PHF11: variants seen among roughly 807,000 people sequenced by gnomAD.
The protein encoded by PHF11 is PHD finger protein 11.
PHF11 carries 38 observed loss-of-function variants against 40.5 expected under a neutral mutation model. The ratio of observed to expected loss-of-function variants is 0.94; its 90% CI spans 0.72 to 1.23. PHF11 has a LOEUF of 1.23. PHF11 is among the 50% of genes most tolerant of loss of function. The probability of loss-of-function intolerance (pLI) is 0.00; values close to 1 mark genes in which losing one functional copy is unlikely to be tolerated. For synonymous variants in PHF11, 127 were observed against 138.2 expected (o/e 0.92, Z 0.57); for missense variants, 369 against 392.4 (o/e 0.94, Z 0.50).
intron 1 of PHF11, chr13:49,497,361 C>A: frequency 2.0e-6 from 1 of 500,500 alleles, no homozygotes; most frequent in East Asian, 6.9e-5. Flanking sequence ...TTCAGGTACT[C>A]CAAACCTGCT....
chr13:49,524,294 A>T, intron 8 of PHF11, 78 bp downstream of exon 8: 2 of 1,176,278 alleles, frequency 1.7e-6, no homozygotes, highest in Non-Finnish European at 2.4e-6. Context: ...ACCCAAGAAA[A>T]AAAAAAAGGC....
At chr13:49,520,060 T>C (rs1959180226) in intron 4 of PHF11, among the ~76,000 whole-genome samples, 1 of 152,178 alleles carries the variant, frequency 6.6e-6, no homozygotes, top group Admixed American at 6.5e-5. Flanking sequence ...TGTTTTGTTT[T>C]GTTTTAAGAC....
chr13:49,497,769 T>C (rs1403970171), intron 1 of PHF11, among the ~76,000 whole-genome samples: 1 of 152,194 alleles, frequency 6.6e-6, no homozygotes, highest in Non-Finnish European at 1.5e-5. Context: ...CTGATTTGAC[T>C]CCTGCCCATC....
intron 3 of PHF11, 36 bp downstream of exon 3, chr13:49,513,202 A>AACAG (rs1959101412): frequency 1.0e-6 from 1 of 986,354 alleles, no homozygotes; most frequent in Admixed American, 1.8e-5. Flanking sequence ...ATACTGGATG[A>AACAG]ACAGACCCTC....
intron 3 of PHF11, among the ~76,000 whole-genome samples, chr13:49,516,118 G>C (rs1445654506): frequency 2.0e-5 from 3 of 152,274 alleles, no homozygotes; most frequent in African/African-American, 7.2e-5. Flanking sequence ...CTCCTTAGAG[G>C]TGACCCATTT....
intron 2 of PHF11, among the ~76,000 whole-genome samples, chr13:49,508,390 T>C (rs1653935819): frequency 6.8e-6 from 1 of 147,596 alleles, no homozygotes; most frequent in East Asian, 1.9e-4. Flanking sequence ...TTATATATTA[T>C]AATATATGAA....
At chr13:49,512,131 G>T (rs908954724) in intron 2 of PHF11, among the ~76,000 whole-genome samples, 3 of 152,130 alleles carry the variant, frequency 2.0e-5, no homozygotes, top group Non-Finnish European at 2.9e-5. Context: ...TATGCCTAAG[G>T]GTTAATGATA....
At chr13:49,513,755 T>C (rs1959111552) in intron 3 of PHF11, among the ~76,000 whole-genome samples, 1 of 152,256 alleles carries the variant, frequency 6.6e-6, no homozygotes, top group African/African-American at 2.4e-5. Flanking sequence ...GGATACTTAC[T>C]TTTTCACTTG....
rs1226077456 is a variant in PHF11 at position 49,496,067 on chromosome 13, C to T, written c.66C>T (p.Pro22=). The T allele has an allele frequency of 5.4e-5, 73 of 1,355,188 alleles. No individual in the cohort carries two copies. The highest frequency in any genetic ancestry group is 6.5e-5 in the Non-Finnish European group (68 of 1,052,418). The allele number at this position is 1,355,188 out of a possible 1,614,324, so 83.9% of individuals were successfully genotyped here. The change falls in exon 1 of 10, where the codon CCC becomes CCT. Residue 22 remains proline (P), a synonymous_variant. Transcript: ENST00000378319. Reference sequence around the variant, plus strand: ...GCGCCAGCAGCCCGGAGGCCCGGCCCGCGCAGGAGGCGCTCCTCCTTCCCA... The same window carrying T: ...GCGCCAGCAGCCCGGAGGCCCGGCCTGCGCAGGAGGCGCTCCTCCTTCCCA... The part of the protein sequence containing the change: ...VLGASSPEAR[P]AQEALLLPTG...
intron 4 of PHF11, among the ~76,000 whole-genome samples, chr13:49,519,942 GAGTC>G (rs1481836944): frequency 6.6e-6 from 1 of 152,194 alleles, no homozygotes; most frequent in Non-Finnish European, 1.5e-5. Context: ...TGCTTCCTGA[GAGTC>G]AGCGCCATCT....
rs112060852 is a variant in PHF11, at chr13:49,520,533, T to C, written c.459-361T>C. 9.6e-4 allele frequency among the ~76,000 whole-genome samples: 147 copies of C among 152,362 alleles called. 2 individuals are homozygous for C. The highest frequency in any genetic ancestry group is 3.5e-3 in the African/African-American group (146 of 41,580). On this transcript the variant is annotated intron_variant, in intron 4 of 9. Coordinates refer to ENST00000378319, the MANE Select transcript of PHF11 (RefSeq NM_001040443.3). ...TTTATTGTTGAAAACCAGCAGAATC[T>C]TGTACAGTCAGATGGAAATCTGCAT... is the stretch of plus-strand genomic sequence containing the variant.
chr13:49,513,530 C>T (rs11839452), intron 3 of PHF11, among the ~76,000 whole-genome samples: 3,780 of 152,072 alleles, frequency 0.025, 157 homozygotes, highest in African/African-American at 0.084. Context: ...AGGGTTTCAC[C>T]ATGTTGGCCA....
Position 49,528,705 on chromosome 13 carries a change from A to AATC in PHF11, c.*42_*44dup, listed in dbSNP as rs1179915768. On this transcript the variant is annotated 3_prime_UTR_variant, in exon 10 of 10. Coordinates refer to ENST00000378319, the MANE Select transcript of PHF11 (RefSeq NM_001040443.3). Reference sequence around the variant, plus strand: ...TAAGCCAAGAGTCATGTCAAATTGCAATCAGGCTCAAAACCAGAGACCAGG... The same window carrying AATC: ...TAAGCCAAGAGTCATGTCAAATTGCAATCATCAGGCTCAAAACCAGAGACCAGG... 1 of 1,470,924 alleles carries AATC rather than the reference A, an allele frequency of 6.8e-7. No homozygotes were observed. Among genetic ancestry groups the AATC allele is most frequent in the Non-Finnish European group, 9.3e-7 (1 of 1,076,942 alleles). 91.1% of individuals were successfully genotyped at this position (1,470,924 alleles called of 1,614,324 possible). A position where few individuals can be genotyped will look rare whatever the true frequency, so the allele number is the denominator to read the frequency against.
At position 49,501,000 on chromosome 13, in the gene PHF11, GTTTTT is replaced by G. The variant is rs1206782081; in HGVS notation, c.94+4916_94+4920del. ...TTTAATTTGGGAGTCACCAACTTTT[GTTTTT>G]TTTTTTTTTTGGTTTTTTTTTTTCT... is the stretch of plus-strand genomic sequence containing the variant. On this transcript the variant is annotated intron_variant, in intron 1 of 9. Coordinates refer to ENST00000378319, the MANE Select transcript of PHF11 (RefSeq NM_001040443.3). Among the ~76,000 whole-genome samples the G allele has an allele frequency of 9.7e-4, 50 of 51,302 alleles. 1 individual carries two copies. Among genetic ancestry groups the G allele is most frequent in the Non-Finnish European group, 1.5e-3 (40 of 27,298 alleles). 33.7% of individuals were successfully genotyped at this position (51,302 alleles called of 152,430 possible).
Position 49,528,685 on chromosome 13 carries a change from C to T in PHF11, c.*20C>T, listed in dbSNP as rs770982730. ...TATTAGGGATTACCGTTTCCTAAGC[C>T]AAGAGTCATGTCAAATTGCAATCAG... is the stretch of plus-strand genomic sequence containing the variant. On this transcript the variant is annotated 3_prime_UTR_variant, in exon 10 of 10. Transcript: ENST00000378319. The T allele has an allele frequency of 6.4e-7, 1 of 1,554,566 alleles. No individual in the cohort carries two copies. Among genetic ancestry groups the T allele is most frequent in the Admixed American group, 1.9e-5 (1 of 51,788 alleles).
chr13:49,498,256 A>G (rs1456968769), intron 1 of PHF11, among the ~76,000 whole-genome samples: 2 of 152,218 alleles, frequency 1.3e-5, no homozygotes, highest in East Asian at 3.8e-4. Flanking sequence ...TGTATATAAC[A>G]CTACGGAGCT....
intron 3 of PHF11, 131 bp downstream of exon 3, chr13:49,513,297 T>C (rs1487662577): frequency 1.8e-6 from 1 of 549,380 alleles, no homozygotes; most frequent in Non-Finnish European, 3.2e-6. Context: ...GTAGGAACTG[T>C]ATTGGAAACC....
chr13:49,507,451 C>T (rs141954993), intron 2 of PHF11, among the ~76,000 whole-genome samples: 3 of 152,174 alleles, frequency 2.0e-5, no homozygotes, highest in South Asian at 2.1e-4. Context: ...ACTAACAAGT[C>T]GTCATGAACA....
intron 9 of PHF11, among the ~76,000 whole-genome samples, 159 bp downstream of exon 9, chr13:49,526,617 A>ATC (rs1959296420): frequency 3.5e-5 from 3 of 85,254 alleles, no homozygotes; most frequent in African/African-American, 7.8e-5. Context: ...GACCCCGCCC[A>ATC]CCTGCCCACA....
Sources: allele counts gnomAD v4.1 joint callset (sites outside exome capture counted in the v4.1 genomes callset), GRCh38; gene constraint gnomAD v4.1.1; transcripts MANE v1.5; gene names NCBI Gene and HGNC (gene_info 2026-07-23, HGNC 2026-07-21).